CEP135: variants seen among roughly 807,000 people sequenced by gnomAD.
The protein encoded by CEP135 is centrosomal protein of 135 kDa.
A neutral mutation model predicts 157.3 loss-of-function variants in CEP135; 142 were observed. The observed-to-expected ratio is 0.90, with a 90% CI of 0.79 to 1.04. CEP135 has a LOEUF of 1.04. Among genes scored for constraint, CEP135 ranks in the 50% least tolerant of loss-of-function variants. The probability of loss-of-function intolerance (pLI) is 0.00; values close to 1 mark genes in which losing one functional copy is unlikely to be tolerated. For synonymous variants in CEP135, 396 were observed against 439.8 expected (o/e 0.90, Z 1.25); for missense variants, 1,317 against 1,309.2 (o/e 1.01, Z -0.09).
chr4:55,956,080 G>A (rs755949563), intron 4 of CEP135, among the ~76,000 whole-genome samples: 8 of 152,142 alleles, frequency 5.3e-5, no homozygotes, highest in Non-Finnish European at 1.0e-4. Context: ...AGCCACCAAG[G>A]AGGAAAACCA....
Position 56,008,964 on chromosome 4 carries a change from C to A in CEP135, c.2336+582C>A, listed in dbSNP as rs147506536. On this transcript the variant is annotated intron_variant, in intron 18 of 25. Coordinates refer to ENST00000257287, the MANE Select transcript of CEP135 (RefSeq NM_025009.5). ...ACAGGCTGGAGTGTAGTGGCGAGAT[C>A]TCTGCTCACGGCAACCTCACCCTCC... is the stretch of plus-strand genomic sequence containing the variant. Among the ~76,000 whole-genome samples, 225 of 152,292 alleles carry A rather than the reference C, an allele frequency of 1.5e-3. 2 individuals are homozygous for A. Among genetic ancestry groups the A allele is most frequent in the Admixed American group, 0.013 (204 of 15,302 alleles).
Position 55,954,130 on chromosome 4 carries a change from T to C in CEP135, c.305-86T>C, listed in dbSNP as rs573727016. On this transcript the variant is annotated intron_variant, in intron 3 of 25. Transcript: ENST00000257287. ...AAGCAGGTGGAGACTTTTAAATTGA[T>C]ATGACTTTTTGTATTTTGTGAAATG... 2.8e-5 allele frequency: 34 copies of C among 1,231,132 alleles called. No individual in the cohort carries two copies. In the Admixed American group the frequency reaches 6.5e-4, roughly 24 times the overall value. The allele number at this position is 1,231,132 out of a possible 1,614,324, so 76.3% of individuals were successfully genotyped here.
At chr4:55,991,060 C>G (rs1729772696) in intron 14 of CEP135, among the ~76,000 whole-genome samples, 1 of 152,008 alleles carries the variant, frequency 6.6e-6, no homozygotes, top group Non-Finnish European at 1.5e-5. Context: ...ACTGCAACCT[C>G]TGCCACCAGG....
intron 9 of CEP135, among the ~76,000 whole-genome samples, 176 bp from the exon 10 acceptor site, chr4:55,971,094 C>T (rs1729012188): frequency 6.6e-6 from 1 of 151,850 alleles, no homozygotes. Flanking sequence ...TTTGTGTTTT[C>T]AGCCACAAAT....
intron 11 of CEP135, among the ~76,000 whole-genome samples, chr4:55,977,385 A>G (rs936068062): frequency 2.6e-5 from 4 of 152,168 alleles, no homozygotes; most frequent in Non-Finnish European, 4.4e-5. Context: ...GTGTAGGCAG[A>G]AGTGCTTTGC....
rs1307317697 is a variant in CEP135, at chr4:55,959,760, C to T, written c.693C>T (p.Ser231=). 1.9e-6 allele frequency: 3 copies of T among 1,612,388 alleles called. No homozygotes were observed. Among genetic ancestry groups the T allele is most frequent in the Non-Finnish European group, 1.7e-6 (2 of 1,178,592 alleles). Residue 231 remains serine, a synonymous_variant, in exon 6 of 26, where the codon AGC becomes AGT. Coordinates refer to ENST00000257287, the MANE Select transcript of CEP135 (RefSeq NM_025009.5). The stretch of plus-strand genomic sequence containing the variant: ...TGGAAAGTGGGGTGAGAGACTATAG[C>T]AAGCAGGTAGGATTTTTATTTACTT... ...AMMESGVRDY[S]KQIELREREI... is the part of the protein sequence containing the mutation.
At chr4:56,007,303 G>A (rs1487198398) in intron 17 of CEP135, among the ~76,000 whole-genome samples, 2 of 152,152 alleles carry the variant, frequency 1.3e-5, no homozygotes, top group Non-Finnish European at 2.9e-5. Flanking sequence ...GTCACTAGAT[G>A]GTGGCTAAAG....
At chr4:56,017,579 G>T in intron 21 of CEP135, 69 bp from the exon 22 acceptor site, 1 of 1,334,196 alleles carries the variant, frequency 7.5e-7, no homozygotes, top group South Asian at 1.5e-5. Context: ...ATTGTTGGCT[G>T]TACAAATTCA....
chr4:55,960,924 T>A (rs1284143476), intron 6 of CEP135: 8 of 38,636 alleles, frequency 2.1e-4, no homozygotes, highest in African/African-American at 4.6e-4. Context: ...AGACTCCGTC[T>A]CAAAAAAAAA....
At chr4:56,007,935 ACAC>A (rs1730415085) in intron 17 of CEP135, among the ~76,000 whole-genome samples, 1 of 152,198 alleles carries the variant, frequency 6.6e-6, no homozygotes, top group Non-Finnish European at 1.5e-5. Context: ...GCTTGTGACT[ACAC>A]CACCATTTTA....
chr4:55,964,236 C>G, intron 6 of CEP135, 38 bp from the exon 7 acceptor site: 1 of 1,571,312 alleles, frequency 6.4e-7, no homozygotes, highest in Non-Finnish European at 8.6e-7. Context: ...TGGTTGAAAA[C>G]CAGATTTTTT....
chr4:55,981,505 T>C lies in CEP135; in HGVS notation c.1779+126T>C, dbSNP rs924143560. ...CTTTGTTTATGTATGGCCTGTGAGC[T>C]AAGAATGGATTAAGAAGAATATTTC... is the stretch of plus-strand genomic sequence containing the variant. On this transcript the variant is annotated intron_variant, in intron 13 of 25. Coordinates refer to ENST00000257287, the MANE Select transcript of CEP135 (RefSeq NM_025009.5). 4.6e-6 allele frequency: 3 copies of C among 651,016 alleles called. No homozygotes were observed. The Admixed American group carries it at 9.1e-5, about 20-fold the overall frequency. The allele number at this position is 651,016 out of a possible 1,614,324, so 40.3% of individuals were successfully genotyped here.
At chr4:55,987,034 A>G (rs1049797081) in intron 14 of CEP135, among the ~76,000 whole-genome samples, 3 of 152,150 alleles carry the variant, frequency 2.0e-5, no homozygotes, top group Non-Finnish European at 2.9e-5. Flanking sequence ...TTGTTCTGGG[A>G]TGCAGTTAAA....
intron 17 of CEP135, 66 bp downstream of exon 17, chr4:55,999,711 G>C: frequency 6.7e-7 from 1 of 1,494,572 alleles, no homozygotes; most frequent in Non-Finnish European, 9.0e-7. Flanking sequence ...TTTTGTTTTT[G>C]AGATGGGGTC....
rs574841346 is a variant in CEP135, at chr4:56,003,211, G to A, written c.2280+3566G>A. On this transcript the variant is annotated intron_variant, in intron 17 of 25. Transcript: ENST00000257287. ...TTTGTATTTTCTTTTTTTTTGAGACGGAGTCTCGCTTTGTCGCTCAGGGTG... is the reference window on the plus strand; with the variant it reads ...TTTGTATTTTCTTTTTTTTTGAGACAGAGTCTCGCTTTGTCGCTCAGGGTG... Among the ~76,000 whole-genome samples the A allele has an allele frequency of 3.9e-4, 59 of 150,700 alleles. No homozygotes were observed. In the East Asian group the frequency reaches 6.4e-3, roughly 16 times the overall value.
At chr4:56,006,298 C>A (rs1019208096) in intron 17 of CEP135, among the ~76,000 whole-genome samples, 1 of 152,116 alleles carries the variant, frequency 6.6e-6, no homozygotes, top group Non-Finnish European at 1.5e-5. Context: ...CCTTTGACTG[C>A]GTAATTTCAA....
intron 17 of CEP135, among the ~76,000 whole-genome samples, chr4:56,001,863 T>C (rs181651271): frequency 1.3e-5 from 2 of 152,266 alleles, no homozygotes; most frequent in East Asian, 3.9e-4. Flanking sequence ...ACAACATTAA[T>C]TCCTTCAATC....
chr4:55,979,851 G>A (rs1048890681), intron 11 of CEP135, among the ~76,000 whole-genome samples: 2 of 152,172 alleles, frequency 1.3e-5, no homozygotes, highest in African/African-American at 2.4e-5. Flanking sequence ...CAAGTACCAC[G>A]AGTATGAACA....
chr4:56,003,774 G>A (rs1487096418), intron 17 of CEP135, among the ~76,000 whole-genome samples: 1 of 151,364 alleles, frequency 6.6e-6, no homozygotes, highest in Non-Finnish European at 1.5e-5. Flanking sequence ...AGGCTGAAGT[G>A]CAGTAGCAAG....
Sources: gnomAD v4.1 joint callset for allele counts (sites outside exome capture counted in the v4.1 genomes callset) on GRCh38, gnomAD v4.1.1 for gene constraint, MANE v1.5 for transcripts, NCBI Gene and HGNC (gene_info 2026-07-23, HGNC 2026-07-21) for gene names.